Variants in NCOA7 observed in about 807,000 individuals in gnomAD.
NCOA7 encodes 140 kDa estrogen receptor-associated protein.
In NCOA7, 45 loss-of-function variants were observed where a neutral mutation model predicts 104.3. The observed-to-expected ratio is 0.43, with a 90% CI of 0.34 to 0.55. The LOEUF (loss-of-function observed/expected upper bound fraction) is 0.55, where lower values mean the gene tolerates loss of function less well. NCOA7 is among the 20% of genes least tolerant of loss of function. The probability of loss-of-function intolerance (pLI) is 0.02; values close to 1 mark genes in which losing one functional copy is unlikely to be tolerated. For missense variants in NCOA7, 1,041 were observed against 1,119.7 expected, an observed-to-expected ratio of 0.93 and a Z score of 1.00; for synonymous variants, 398 against 402.3, an observed-to-expected ratio of 0.99 and a Z score of 0.13.
intron 2 of NCOA7, among the ~76,000 whole-genome samples, chr6:125,841,800 A>C (rs943098350): frequency 3.3e-5 from 5 of 152,144 alleles, no homozygotes; most frequent in African/African-American, 1.2e-4. Context: ...CAATTGGAAA[A>C]AATACCTCTA....
chr6:125,842,417 A>G (rs1780257128), intron 2 of NCOA7, among the ~76,000 whole-genome samples: 1 of 152,198 alleles, frequency 6.6e-6, no homozygotes, highest in Admixed American at 6.6e-5. Flanking sequence ...ACTGCAATAT[A>G]TTGCTGTTGT....
upstream of NCOA7, among the ~76,000 whole-genome samples, chr6:125,788,698 A>ATTTTTTTTTTTTT (rs60048395): frequency 1.1e-4 from 14 of 121,882 alleles, no homozygotes; most frequent in Non-Finnish European, 1.7e-4. Flanking sequence ...CACCCAGCTA[A>ATTTTTTTTTTTTT]TTTTTTTTTT....
chr6:125,824,805 C>T (rs2128584328), intron 2 of NCOA7, among the ~76,000 whole-genome samples: 1 of 152,228 alleles, frequency 6.6e-6, no homozygotes, highest in Non-Finnish European at 1.5e-5. Flanking sequence ...GTTGCCCAGG[C>T]TGGAGTGCAG....
intron 11 of NCOA7, chr6:125,919,447 T>A: frequency 6.2e-7 from 1 of 1,611,664 alleles, no homozygotes; most frequent in South Asian, 1.1e-5. Context: ...TTGGAGTGCG[T>A]CCCGAGGGCT....
intron 1 of NCOA7, among the ~76,000 whole-genome samples, chr6:125,791,387 A>G (rs1774843181): frequency 6.6e-6 from 1 of 152,112 alleles, no homozygotes; most frequent in Non-Finnish European, 1.5e-5. Context: ...AGACCGTTGG[A>G]TTTTCAGCAG....
intron 3 of NCOA7, among the ~76,000 whole-genome samples, chr6:125,859,881 A>C (rs546210011): frequency 6.6e-6 from 1 of 152,338 alleles, no homozygotes; most frequent in African/African-American, 2.4e-5. Flanking sequence ...ACAACAGTTC[A>C]GATACTAATA....
At chr6:125,833,612 C>G (rs1302956811) in intron 2 of NCOA7, among the ~76,000 whole-genome samples, 2 of 50,664 alleles carry the variant, frequency 3.9e-5, no homozygotes, top group African/African-American at 1.7e-4. Context: ...GGGGGAGGGA[C>G]AGGGGGAGGG....
intron 10 of NCOA7, among the ~76,000 whole-genome samples, chr6:125,901,047 A>G (rs1286510748): frequency 1.3e-5 from 2 of 152,216 alleles, no homozygotes; most frequent in Non-Finnish European, 2.9e-5. Context: ...AACCCCCAGA[A>G]GTTTTAGACA....
chr6:125,860,219 T>C (rs1244997771), intron 3 of NCOA7, among the ~76,000 whole-genome samples: 1 of 152,240 alleles, frequency 6.6e-6, no homozygotes, highest in Non-Finnish European at 1.5e-5. Context: ...AATATATTTT[T>C]CAAAATTAGT....
At chr6:125,811,313 T>C (rs997643227) in intron 1 of NCOA7, among the ~76,000 whole-genome samples, 1 of 152,202 alleles carries the variant, frequency 6.6e-6, no homozygotes, top group African/African-American at 2.4e-5. Flanking sequence ...AGCTTTTATA[T>C]GGATTTTCTG....
intron 1 of NCOA7, among the ~76,000 whole-genome samples, chr6:125,808,031 A>G (rs898503150): frequency 9.9e-5 from 15 of 152,208 alleles, no homozygotes; most frequent in Non-Finnish European, 1.8e-4. Context: ...TTCCTGATCC[A>G]CTAGAATAGC....
At chr6:125,881,376 C>T (rs1783808268) in intron 6 of NCOA7, among the ~76,000 whole-genome samples, 173 bp downstream of exon 6, 1 of 151,970 alleles carries the variant, frequency 6.6e-6, no homozygotes, top group Admixed American at 6.6e-5. Flanking sequence ...TTTAAGGTTT[C>T]AAAGGCAAAA....
At chr6:125,860,630 G>A (rs1781966299) in intron 3 of NCOA7, among the ~76,000 whole-genome samples, 1 of 152,194 alleles carries the variant, frequency 6.6e-6, no homozygotes, top group Non-Finnish European at 1.5e-5. Flanking sequence ...TTACAGGCGT[G>A]AGCCACAGCA....
chr6:125,825,091 G>A (rs553622946), intron 2 of NCOA7, among the ~76,000 whole-genome samples: 16 of 147,470 alleles, frequency 1.1e-4, no homozygotes, highest in Admixed American at 4.1e-4. Flanking sequence ...TAATCCCAGC[G>A]TTTTGAGAGG....
chr6:125,828,028 GT>G lies in NCOA7; in HGVS notation c.50+12625del, dbSNP rs1360151783. ...AGACAACCACTAAATACACAATTGG[GT>G]ATGTGTAAATCTGGATTGAAAACAG... On this transcript the variant is annotated intron_variant, in intron 2 of 15. Coordinates refer to ENST00000392477, the MANE Select transcript of NCOA7 (RefSeq NM_181782.5). 2.0e-5 allele frequency among the ~76,000 whole-genome samples: 3 copies of G among 152,350 alleles called. No homozygotes were observed. In the East Asian group the frequency reaches 5.8e-4, roughly 29 times the overall value.
chr6:125,804,493 C>A (rs936328557), intron 1 of NCOA7, among the ~76,000 whole-genome samples: 10 of 152,090 alleles, frequency 6.6e-5, no homozygotes, highest in African/African-American at 2.4e-4. Flanking sequence ...GAGGATGTCT[C>A]TTATGACTAG....
chr6:125,889,133 C>A lies in NCOA7; in HGVS notation c.1079C>A (p.Thr360Lys), dbSNP rs754536662. 21 of 1,614,012 alleles carry A rather than the reference C, an allele frequency of 1.3e-5. No homozygotes were observed. Among genetic ancestry groups the A allele is most frequent in the Non-Finnish European group, 1.8e-5 (21 of 1,180,004 alleles). Residue 360 changes from threonine to lysine, a missense_variant, in exon 9 of 16, where the codon ACA becomes AAA. Around this residue, in one of 2 missense-constraint regions of NCOA7, gnomAD observed 914 missense variants for 942.7 expected, o/e 0.97. Transcript: ENST00000392477. The stretch of plus-strand genomic sequence containing the variant: ...GAGAAGTCCACAGGACATACACCTA[C>A]AAAGCCCTCAGGCAGCTCTGTGTCA... ...PLEKSTGHTP[T>K]KPSGSSVSEK...
intron 2 of NCOA7, among the ~76,000 whole-genome samples, chr6:125,834,055 GATT>G (rs1779409154): frequency 6.7e-6 from 1 of 150,368 alleles, no homozygotes; most frequent in Admixed American, 6.7e-5. Flanking sequence ...TGGTCGGTAG[GATT>G]ATTAAGACGT....
At chr6:125,912,186 C>A (rs562754080) in intron 10 of NCOA7, among the ~76,000 whole-genome samples, 1 of 152,180 alleles carries the variant, frequency 6.6e-6, no homozygotes, top group African/African-American at 2.4e-5. Context: ...TGGTGGGCAC[C>A]CACACAGGCA....
Sources: allele counts gnomAD v4.1 joint callset (sites outside exome capture counted in the v4.1 genomes callset), GRCh38; gene constraint gnomAD v4.1.1; regional missense constraint gnomAD v4.1.1; transcripts MANE v1.5; gene names NCBI Gene and HGNC (gene_info 2026-07-23, HGNC 2026-07-21).